Variants in TENM1 observed in about 807,000 individuals in gnomAD.
TENM1 encodes teneurin transmembrane protein 1.
TENM1 carries 35 observed loss-of-function variants against 174.8 expected under a neutral mutation model. That is an observed-to-expected ratio of 0.20 (90% CI 0.15 to 0.27). The LOEUF (loss-of-function observed/expected upper bound fraction) is 0.27. Among genes scored for constraint, TENM1 ranks in the 10% least tolerant of loss-of-function variants. TENM1 has a pLI of 1.00. For missense variants in TENM1, 1,633 were observed against 2,130.1 expected (o/e 0.77, Z 4.59); for synonymous variants, 781 against 798.7 (o/e 0.98, Z 0.37).
the TENM1 span, among the ~76,000 whole-genome samples, chrX:125,044,464 C>A: frequency 9.1e-6 from 1 of 109,847 alleles, no homozygotes; most frequent in Admixed American, 9.8e-5. Flanking sequence ...GTGGCACACA[C>A]CTGTTGCTCT....
chrX:124,601,806 G>A (rs1352859820), intron 11 of TENM1, among the ~76,000 whole-genome samples: 1 of 110,188 alleles, frequency 9.1e-6, no homozygotes, highest in Non-Finnish European at 1.9e-5. Flanking sequence ...GGACCAATGG[G>A]GCAATGGATT....
intron 11 of TENM1, among the ~76,000 whole-genome samples, chrX:124,607,349 C>T (rs2148296475): frequency 9.1e-6 from 1 of 110,395 alleles, no homozygotes; most frequent in Non-Finnish European, 1.9e-5. Context: ...TGGGTAGTTG[C>T]TATTTTATAT....
chrX:124,573,160 A>G (rs1004415922), intron 11 of TENM1, among the ~76,000 whole-genome samples: 5 of 112,130 alleles, frequency 4.5e-5, no homozygotes, highest in African/African-American at 1.6e-4. Context: ...CAAAAAATAT[A>G]GCAGTTAACT....
intron 11 of TENM1, among the ~76,000 whole-genome samples, chrX:124,595,660 T>C (rs2049873119): frequency 8.9e-6 from 1 of 111,932 alleles, no homozygotes; most frequent in Non-Finnish European, 1.9e-5. Flanking sequence ...AAGCCAAAAC[T>C]CTTATTTAGG....
chrX:124,955,419 T>A (rs1413469162), intron 1 of TENM1, among the ~76,000 whole-genome samples: 1 of 49 alleles, frequency 0.02, no homozygotes, highest in Non-Finnish European at 0.037. Flanking sequence ...TGTGTTACTG[T>A]CTATTATTTG....
chrX:124,986,824 T>C, the TENM1 span, among the ~76,000 whole-genome samples: 2 of 111,450 alleles, frequency 1.8e-5, no homozygotes, highest in Admixed American at 9.6e-5. Context: ...GTATTTTTAG[T>C]AGAGACAGGG....
At chrX:125,189,666 G>A in the TENM1 span, among the ~76,000 whole-genome samples, 5 of 111,678 alleles carry the variant, frequency 4.5e-5, no homozygotes, top group African/African-American at 9.8e-5. Flanking sequence ...ATAACAAAAC[G>A]GTCAGCAGAG....
chrX:124,789,211 C>G (rs1216203772), intron 3 of TENM1, among the ~76,000 whole-genome samples: 2 of 110,777 alleles, frequency 1.8e-5, no homozygotes, highest in Non-Finnish European at 3.8e-5. Context: ...ATGCAGGGCA[C>G]CAAGTTCCTA....
chrX:124,753,004 G>A (rs183835117), intron 3 of TENM1, among the ~76,000 whole-genome samples: 15,046 of 109,753 alleles, frequency 0.14, 1,157 homozygotes, highest in African/African-American at 0.29. Flanking sequence ...ATGAACGTTA[G>A]TTTTTTCCAA....
intron 27 of TENM1, among the ~76,000 whole-genome samples, chrX:124,403,348 G>A (rs1377164319): frequency 9.2e-6 from 1 of 108,595 alleles, no homozygotes; most frequent in African/African-American, 3.4e-5. Flanking sequence ...GTGAAATCCC[G>A]TCTCTACTAA....
chrX:124,410,315 A>G (rs1690981495), intron 25 of TENM1, among the ~76,000 whole-genome samples: 1 of 112,339 alleles, frequency 8.9e-6, no homozygotes, highest in Non-Finnish European at 1.9e-5. Flanking sequence ...CTGGCCAGCC[A>G]TATGTAGAAA....
chrX:125,185,724 G>A, the TENM1 span, among the ~76,000 whole-genome samples: 1 of 111,887 alleles, frequency 8.9e-6, no homozygotes, highest in Non-Finnish European at 1.9e-5. Context: ...AAACAAATTA[G>A]GCCAAATTAT....
intron 3 of TENM1, among the ~76,000 whole-genome samples, chrX:124,757,302 G>A (rs1194373620): frequency 8.9e-6 from 1 of 112,650 alleles, no homozygotes; most frequent in African/African-American, 3.2e-5. Flanking sequence ...CAAGCCAGGT[G>A]CGGGATATAA....
the TENM1 span, among the ~76,000 whole-genome samples, chrX:125,080,180 T>G: frequency 1.8e-5 from 2 of 110,808 alleles, no homozygotes; most frequent in Non-Finnish European, 3.8e-5. Context: ...AGGGAATATA[T>G]GAAAAGGCCA....
chrX:124,519,702 A>T (rs2047796857), intron 18 of TENM1, among the ~76,000 whole-genome samples: 2 of 110,750 alleles, frequency 1.8e-5, no homozygotes, highest in Admixed American at 1.9e-4. Context: ...AGAGATAAAG[A>T]CTTTGGTGTT....
intron 3 of TENM1, among the ~76,000 whole-genome samples, chrX:124,757,728 C>G (rs1007941704): frequency 2.7e-5 from 3 of 112,142 alleles, no homozygotes; most frequent in Non-Finnish European, 5.6e-5. Context: ...TCTTAAAATT[C>G]GAGGGATACT....
intron 11 of TENM1, among the ~76,000 whole-genome samples, chrX:124,602,115 A>C (rs1038099164): frequency 1.8e-5 from 2 of 111,142 alleles, no homozygotes; most frequent in African/African-American, 6.5e-5. Flanking sequence ...ACATAATTTT[A>C]GGTTGAGAAG....
At chrX:124,582,940 CA>C (rs1442801062) in intron 11 of TENM1, among the ~76,000 whole-genome samples, 1 of 112,400 alleles carries the variant, frequency 8.9e-6, no homozygotes, top group Non-Finnish European at 1.9e-5. Flanking sequence ...GCTAGCACAG[CA>C]GTCTGAGATC....
the TENM1 span, among the ~76,000 whole-genome samples, chrX:125,019,914 GT>G: frequency 9.0e-6 from 1 of 111,661 alleles, no homozygotes; most frequent in African/African-American, 3.2e-5. Context: ...CCTCAAAGAT[GT>G]TTCTGAGTAT....
Sources: allele counts gnomAD v4.1 joint callset (sites outside exome capture counted in the v4.1 genomes callset), GRCh38; gene constraint gnomAD v4.1.1; transcripts MANE v1.5; gene names NCBI Gene and HGNC (gene_info 2026-07-23, HGNC 2026-07-21).